Variants in PLXDC2 observed in about 807,000 individuals in gnomAD.
PLXDC2 encodes the protein plexin domain containing 2.
PLXDC2 carries 40 observed loss-of-function variants against 68.9 expected under a neutral mutation model. That is an observed-to-expected ratio of 0.58 (90% CI 0.45 to 0.76). The LOEUF (loss-of-function observed/expected upper bound fraction) is 0.76. PLXDC2 is among the 30% of genes least tolerant of loss of function. The pLI is 0.00. For missense variants in PLXDC2, 644 were observed against 661.9 expected, an observed-to-expected ratio of 0.97 and a Z score of 0.30; for synonymous variants, 243 against 234.2, an observed-to-expected ratio of 1.04 and a Z score of -0.34.
At chr10:20,222,281 G>C (rs771311787) in intron 12 of PLXDC2, among the ~76,000 whole-genome samples, 13 of 152,144 alleles carry the variant, frequency 8.5e-5, no homozygotes, top group Non-Finnish European at 1.6e-4. Context: ...ATCCACTGCT[G>C]ACATGATTAT....
At chr10:20,131,948 G>T (rs1833873337) in intron 4 of PLXDC2, among the ~76,000 whole-genome samples, 1 of 151,880 alleles carries the variant, frequency 6.6e-6, no homozygotes, top group African/African-American at 2.4e-5. Context: ...TTGCTTTTAT[G>T]AAATCTTTCT....
chr10:19,970,472 C>T (rs555699246), intron 1 of PLXDC2, among the ~76,000 whole-genome samples: 5 of 152,142 alleles, frequency 3.3e-5, no homozygotes, highest in Non-Finnish European at 5.9e-5. Flanking sequence ...TGAACTTAAG[C>T]CTTCTATATA....
At chr10:19,954,068 G>A (rs1834031555) in intron 1 of PLXDC2, among the ~76,000 whole-genome samples, 1 of 152,010 alleles carries the variant, frequency 6.6e-6, no homozygotes, top group African/African-American at 2.4e-5. Context: ...CTGATGGAAG[G>A]AGGACTCAGG....
intron 13 of PLXDC2, among the ~76,000 whole-genome samples, chr10:20,274,050 G>A (rs895398378): frequency 1.3e-5 from 2 of 149,616 alleles, no homozygotes; most frequent in African/African-American, 2.5e-5. Context: ...AAAGAAAGAC[G>A]GGAAAGGAAG....
intron 3 of PLXDC2, 148 bp downstream of exon 3, chr10:20,047,163 C>A: frequency 1.4e-6 from 1 of 728,480 alleles, no homozygotes; most frequent in Non-Finnish European, 2.0e-6. Context: ...GTATTCAGTT[C>A]TGTAATTGTA....
intron 5 of PLXDC2, 81 bp downstream of exon 5, chr10:20,143,498 A>G (rs1312096268): frequency 1.9e-6 from 3 of 1,562,954 alleles, no homozygotes; most frequent in Admixed American, 1.7e-5. Context: ...GTTTTTGTAA[A>G]CTGTTTATTT....
Position 19,987,791 on chromosome 10 carries a change from ATC to A in PLXDC2, c.113-13981_113-13980del, listed in dbSNP as rs1298347821. Among the ~76,000 whole-genome samples the A allele has an allele frequency of 3.3e-5, 5 of 151,570 alleles. No homozygotes were observed. In the East Asian group the frequency reaches 7.8e-4, roughly 24 times the overall value. On this transcript the variant is annotated intron_variant, in intron 1 of 13. Transcript: ENST00000377252. The stretch of plus-strand genomic sequence containing the variant: ...TTGTTGGCCAGGATGGTCTCGATCG[ATC>A]TCCCGACCTTGTGATCCTCCCGCCT...
intron 13 of PLXDC2, among the ~76,000 whole-genome samples, chr10:20,274,744 A>G (rs2119389884): frequency 6.6e-6 from 1 of 152,246 alleles, no homozygotes; most frequent in South Asian, 2.1e-4. Flanking sequence ...AGATACAGCC[A>G]CACACAGGAG....
At chr10:20,091,284 C>T (rs886133852) in intron 4 of PLXDC2, among the ~76,000 whole-genome samples, 4 of 152,184 alleles carry the variant, frequency 2.6e-5, no homozygotes, top group African/African-American at 9.7e-5. Context: ...TTTATCCACC[C>T]CTTTGTCCAA....
rs140218690 is a variant in PLXDC2, at chr10:19,871,991, C to G, written c.112+54800C>G. 6.7e-3 allele frequency among the ~76,000 whole-genome samples: 1,018 copies of G among 151,822 alleles called. 3 individuals are homozygous for G. Among genetic ancestry groups the G allele is most frequent in the Non-Finnish European group, 0.011 (727 of 67,956 alleles). On this transcript the variant is annotated intron_variant, in intron 1 of 13. Coordinates refer to ENST00000377252, the MANE Select transcript of PLXDC2 (RefSeq NM_032812.9). The stretch of plus-strand genomic sequence containing the variant: ...TTCTGTCTTTTTTATTTACTTTTAT[C>G]TTTCCAGAACCTGGATGGGTACCTG...
rs749752072 is a variant in PLXDC2, at chr10:20,285,134, C to T, written c.*5315C>T. On this transcript the variant is annotated 3_prime_UTR_variant, in exon 14 of 14. Coordinates refer to ENST00000377252, the MANE Select transcript of PLXDC2 (RefSeq NM_032812.9). ...TATATAATTGCAATTTTTATTTGCT[C>T]TTCAAACTATTACAACATTTTTGTC... 6.6e-6 allele frequency: 1 copy of T among 152,144 alleles called. No individual in the cohort carries two copies. Among genetic ancestry groups the T allele is most frequent in the Non-Finnish European group, 1.5e-5 (1 of 68,032 alleles). The allele number at this position is 152,144 out of a possible 1,614,324, so 9.4% of individuals were successfully genotyped here.
At chr10:20,085,064 T>C (rs1054701894) in intron 4 of PLXDC2, among the ~76,000 whole-genome samples, 2 of 151,984 alleles carry the variant, frequency 1.3e-5, no homozygotes, top group Non-Finnish European at 2.9e-5. Context: ...TGTGCATTTC[T>C]TTTTTCCTCC....
chr10:19,825,300 A>G (rs1328786264), intron 1 of PLXDC2, among the ~76,000 whole-genome samples: 7 of 152,172 alleles, frequency 4.6e-5, no homozygotes, highest in Non-Finnish European at 1.0e-4. Flanking sequence ...CTTTGAGAAT[A>G]TGGAGAGAAT....
chr10:19,906,120 T>C (rs552697954), intron 1 of PLXDC2, among the ~76,000 whole-genome samples: 1 of 151,904 alleles, frequency 6.6e-6, no homozygotes, highest in East Asian at 1.9e-4. Context: ...TGGAGCAAAA[T>C]AAAGAAGAGA....
At chr10:20,138,491 C>A (rs995023606) in intron 4 of PLXDC2, among the ~76,000 whole-genome samples, 1 of 152,132 alleles carries the variant, frequency 6.6e-6, no homozygotes, top group African/African-American at 2.4e-5. Context: ...TTTGGAATTG[C>A]GAGACCTATA....
intron 13 of PLXDC2, among the ~76,000 whole-genome samples, chr10:20,269,212 C>T (rs990692540): frequency 3.3e-5 from 5 of 152,108 alleles, no homozygotes; most frequent in Non-Finnish European, 7.4e-5. Context: ...CATTTATTCT[C>T]AAAAGTGTCC....
At chr10:20,110,413 C>T (rs1453811339) in intron 4 of PLXDC2, among the ~76,000 whole-genome samples, 1 of 152,190 alleles carries the variant, frequency 6.6e-6, no homozygotes, top group Non-Finnish European at 1.5e-5. Context: ...CAATCTTTCT[C>T]ACAAGTAATA....
Position 20,279,901 on chromosome 10 carries a change from CAA to C in PLXDC2, c.*84_*85del. On this transcript the variant is annotated 3_prime_UTR_variant, in exon 14 of 14. Transcript: ENST00000377252. ...TGCCTATACCTTTAAGACAAACAAA[CAA>C]ACACACACACAAACAAGCTCTAAGC... 1.0e-6 allele frequency: 1 copy of C among 978,262 alleles called. No individual in the cohort carries two copies. The highest frequency in any genetic ancestry group is 1.6e-6 in the Non-Finnish European group (1 of 618,106). The allele number at this position is 978,262 out of a possible 1,614,324, so 60.6% of individuals were successfully genotyped here.
At chr10:20,228,251 G>A (rs1329951175) in intron 12 of PLXDC2, among the ~76,000 whole-genome samples, 1 of 152,072 alleles carries the variant, frequency 6.6e-6, no homozygotes, top group African/African-American at 2.4e-5. Context: ...AATTAGGTAT[G>A]GGAAGATAGT....
Sources: allele counts gnomAD v4.1 joint callset (sites outside exome capture counted in the v4.1 genomes callset), GRCh38; gene constraint gnomAD v4.1.1; transcripts MANE v1.5; gene names NCBI Gene and HGNC (gene_info 2026-07-23, HGNC 2026-07-21).